The following UBE2Q2 variants were observed in gnomAD, a reference collection of about 807,000 sequenced individuals.
UBE2Q2 encodes ubiquitin-conjugating enzyme E2 Q2.
Under a neutral mutation model 59.9 loss-of-function variants are expected in UBE2Q2, and 54 were observed. The observed-to-expected ratio is 0.90, with a 90% confidence interval of 0.72 to 1.13. The LOEUF is 1.13. UBE2Q2 is among the 50% of genes most tolerant of loss of function. UBE2Q2 has a pLI of 0.00. For missense variants in UBE2Q2, 433 were observed against 441.9 expected (o/e 0.98, Z 0.18); for synonymous variants, 165 against 155.2 (o/e 1.06, Z -0.47).
At chr15:75,867,087 C>G (rs1285214063) in intron 3 of UBE2Q2, among the ~76,000 whole-genome samples, 1 of 152,162 alleles carries the variant, frequency 6.6e-6, no homozygotes, top group African/African-American at 2.4e-5. Flanking sequence ...GCCTCCCCCT[C>G]CTGGTTTGCA....
intron 8 of UBE2Q2, among the ~76,000 whole-genome samples, chr15:75,880,669 T>G (rs988439530): frequency 1.3e-5 from 2 of 151,998 alleles, no homozygotes; most frequent in African/African-American, 4.8e-5. Flanking sequence ...TCCGCATAAT[T>G]TTTGTATTTT....
At chr15:75,892,217 C>T (rs1449009070) in intron 11 of UBE2Q2, among the ~76,000 whole-genome samples, 2 of 152,168 alleles carry the variant, frequency 1.3e-5, no homozygotes, top group African/African-American at 4.8e-5. Context: ...CAGCTGTCAT[C>T]AGAAGCAGAC....
chr15:75,849,400 A>C (rs573801065), intron 1 of UBE2Q2, among the ~76,000 whole-genome samples: 1 of 152,304 alleles, frequency 6.6e-6, no homozygotes, highest in African/African-American at 2.4e-5. Flanking sequence ...TGTGTCCTAC[A>C]TTTGGAAAGA....
chr15:75,870,628 A>C (rs2141607731), intron 4 of UBE2Q2, among the ~76,000 whole-genome samples: 1 of 152,292 alleles, frequency 6.6e-6, no homozygotes, highest in Admixed American at 6.5e-5. Context: ...TGGACTTTGG[A>C]GATGTCAGAT....
chr15:75,849,131 T>G (rs1320143361), intron 1 of UBE2Q2, among the ~76,000 whole-genome samples: 6 of 152,230 alleles, frequency 3.9e-5, no homozygotes, highest in Non-Finnish European at 8.8e-5. Context: ...GTTGTTTATT[T>G]GTAAAATGAT....
intron 1 of UBE2Q2, among the ~76,000 whole-genome samples, chr15:75,851,380 T>C (rs112950460): frequency 1.2e-3 from 179 of 152,266 alleles, no homozygotes; most frequent in African/African-American, 4.2e-3. Flanking sequence ...TATTATAACA[T>C]CATGCATTGG....
chr15:75,871,269 G>A (rs535588134), intron 4 of UBE2Q2, among the ~76,000 whole-genome samples: 40 of 152,340 alleles, frequency 2.6e-4, no homozygotes, highest in African/African-American at 9.1e-4. Flanking sequence ...CTCAGTAGAT[G>A]GAACGTACAA....
intron 11 of UBE2Q2, among the ~76,000 whole-genome samples, 190 bp downstream of exon 11, chr15:75,891,204 C>T (rs547223620): frequency 1.3e-5 from 2 of 152,190 alleles, no homozygotes; most frequent in East Asian, 3.9e-4. Context: ...AATTGATAAT[C>T]ACTTAATGAT....
intron 1 of UBE2Q2, among the ~76,000 whole-genome samples, chr15:75,849,551 G>T (rs1896531169): frequency 6.6e-6 from 1 of 152,170 alleles, no homozygotes; most frequent in Non-Finnish European, 1.5e-5. Flanking sequence ...TTTTTCTTGA[G>T]CAGTGACAGG....
chr15:75,896,802 G>T (rs550875091), intron 11 of UBE2Q2, among the ~76,000 whole-genome samples, 193 bp from the exon 12 acceptor site: 165 of 152,142 alleles, frequency 1.1e-3, no homozygotes, highest in African/African-American at 3.8e-3. Flanking sequence ...GTACAATTTT[G>T]GTTTTGTTAT....
At chr15:75,870,918 A>T (rs1485240602) in intron 4 of UBE2Q2, among the ~76,000 whole-genome samples, 2 of 152,196 alleles carry the variant, frequency 1.3e-5, no homozygotes, top group Non-Finnish European at 2.9e-5. Flanking sequence ...AGAGACTTGG[A>T]AAAGAAAAAG....
chr15:75,861,176 C>T (rs1897191196), intron 3 of UBE2Q2, among the ~76,000 whole-genome samples: 2 of 152,236 alleles, frequency 1.3e-5, no homozygotes, highest in Non-Finnish European at 2.9e-5. Context: ...GTGCCTGGTG[C>T]ATAGCACATC....
In UBE2Q2 at chr15:75,883,760, C is replaced by T. The variant is rs371925946; in HGVS notation, c.884+336C>T. On this transcript the variant is annotated intron_variant, in intron 9 of 12. Transcript: ENST00000267938. ...TGATGCTGTTGTTCTGGGGCCCACA[C>T]CTAGAACCATTAGTTGTAAAGCATT... Among the ~76,000 whole-genome samples the T allele has an allele frequency of 2.6e-5, 4 of 152,038 alleles. No individual in the cohort carries two copies. In the South Asian group the frequency reaches 8.3e-4, roughly 32 times the overall value.
intron 3 of UBE2Q2, among the ~76,000 whole-genome samples, chr15:75,868,683 TTC>T (rs1422676825): frequency 6.6e-6 from 1 of 152,246 alleles, no homozygotes; most frequent in Non-Finnish European, 1.5e-5. Flanking sequence ...TAACATTTTT[TTC>T]TGTTTTGCTT....
In UBE2Q2 at chr15:75,871,398, C is replaced by G. The variant is rs148689378; in HGVS notation, c.448-2030C>G. On this transcript the variant is annotated intron_variant, in intron 4 of 12. Coordinates refer to ENST00000267938, the MANE Select transcript of UBE2Q2 (RefSeq NM_173469.4). ...TATACTAATCTTCCTCAGCACAGAC[C>G]CTTTACGGGTGTCAGGCTGGGGGAC... 4.7e-3 allele frequency among the ~76,000 whole-genome samples: 711 copies of G among 152,274 alleles called. 5 individuals carry two copies. Among genetic ancestry groups the G allele is most frequent in the African/African-American group, 0.016 (670 of 41,538 alleles).
chr15:75,874,231 G>C (rs1897949792), intron 5 of UBE2Q2, among the ~76,000 whole-genome samples: 1 of 151,240 alleles, frequency 6.6e-6, no homozygotes, highest in Non-Finnish European at 1.5e-5. Context: ...AGCTGACTTT[G>C]GTCTGTCCTG....
chr15:75,883,252 C>T, intron 8 of UBE2Q2, 114 bp from the exon 9 acceptor site: 2 of 955,906 alleles, frequency 2.1e-6, no homozygotes, highest in Middle Eastern at 3.4e-4. Flanking sequence ...TGACTCTTAC[C>T]CATTATCTGA....
intron 9 of UBE2Q2, among the ~76,000 whole-genome samples, chr15:75,887,886 T>C (rs1396196777): frequency 2.6e-5 from 4 of 152,162 alleles, no homozygotes; most frequent in African/African-American, 7.2e-5. Flanking sequence ...TAGTCAACTA[T>C]TAAGTGAGGA....
rs529223282 is a variant in UBE2Q2 at position 75,873,706 on chromosome 15, G to T, written c.588+138G>T. On this transcript the variant is annotated intron_variant, in intron 5 of 12. Coordinates refer to ENST00000267938, the MANE Select transcript of UBE2Q2 (RefSeq NM_173469.4). ...CTTAGTGGTGGATTCAGTCATGTGT[G>T]TTTTAAAACAGGGTCTTGCTCTGTC... The T allele has an allele frequency of 8.1e-6, 8 of 983,310 alleles. No individual in the cohort carries two copies. The Admixed American group carries it at 1.1e-4, about 13-fold the overall frequency. 60.9% of individuals were successfully genotyped at this position (983,310 alleles called of 1,614,324 possible).
Sources: gnomAD v4.1 joint callset for allele counts (sites outside exome capture counted in the v4.1 genomes callset) on GRCh38, gnomAD v4.1.1 for gene constraint, MANE v1.5 for transcripts, NCBI Gene and HGNC (gene_info 2026-07-23, HGNC 2026-07-21) for gene names.